The following BLTP2 variants were observed in gnomAD, a reference collection of about 807,000 sequenced individuals.
BLTP2 encodes bridge-like lipid transfer protein family member 2.
At chr17:28,634,994 G>A in the BLTP2 span, 1 of 1,613,198 alleles carries the variant, frequency 6.2e-7, no homozygotes, top group Non-Finnish European at 8.5e-7. Context: ...GGTGGGAGTG[G>A]GACAGGGCTT....
the BLTP2 span, chr17:28,633,016 T>A: frequency 6.3e-7 from 1 of 1,584,608 alleles, no homozygotes; most frequent in South Asian, 1.2e-5. Flanking sequence ...GTAGGAGTCA[T>A]GAAGCTGGCC....
chr17:28,643,201 A>G, the BLTP2 span: 6 of 1,614,242 alleles, frequency 3.7e-6, no homozygotes, highest in Admixed American at 1.7e-5. Flanking sequence ...GCTGAAGGAC[A>G]GTTCCTTTTG....
At chr17:28,634,068 G>A in the BLTP2 span, 1 of 1,614,104 alleles carries the variant, frequency 6.2e-7, no homozygotes, top group Non-Finnish European at 8.5e-7. Flanking sequence ...CAGGTACCGT[G>A]GATAGTCCCT....
the BLTP2 span, chr17:28,615,549 G>A: frequency 1.3e-4 from 170 of 1,322,990 alleles, 1 homozygote; most frequent in South Asian, 1.8e-3. Flanking sequence ...CTCACTTCAT[G>A]CACCTGCCCC....
chr17:28,621,626 C>T, the BLTP2 span: 1 of 684,480 alleles, frequency 1.5e-6, no homozygotes, highest in Non-Finnish European at 2.6e-6. Context: ...CATGGAATAG[C>T]TTGAACCATA....
the BLTP2 span, among the ~76,000 whole-genome samples, chr17:28,626,012 C>T: frequency 1.3e-5 from 2 of 152,208 alleles, no homozygotes; most frequent in African/African-American, 4.8e-5. Flanking sequence ...ATCCATCCGC[C>T]TCGGCCTCCC....
chr17:28,628,625 TAA>T, the BLTP2 span: 3 of 1,397,554 alleles, frequency 2.1e-6, no homozygotes, highest in South Asian at 1.3e-5. Flanking sequence ...GAGGCAGTGA[TAA>T]AAGTTTGTTG....
chr17:28,644,172 C>T, the BLTP2 span: 1 of 1,613,808 alleles, frequency 6.2e-7, no homozygotes, highest in Non-Finnish European at 8.5e-7. Flanking sequence ...TGGTGGCCAA[C>T]CGGACCACAA....
chr17:28,621,231 C>T, the BLTP2 span: 1 of 1,553,648 alleles, frequency 6.4e-7, no homozygotes, highest in Non-Finnish European at 8.8e-7. Flanking sequence ...ATGTGAGAGC[C>T]TCCCAGCTAT....
the BLTP2 span, chr17:28,632,224 C>T: frequency 4.4e-6 from 7 of 1,600,840 alleles, no homozygotes; most frequent in South Asian, 3.3e-5. Flanking sequence ...TAGCAGAATT[C>T]GGGGCTGGGA....
At chr17:28,619,572 A>T in the BLTP2 span, 1 of 1,568,610 alleles carries the variant, frequency 6.4e-7, no homozygotes, top group Admixed American at 1.7e-5. Flanking sequence ...ACTAGACCTA[A>T]AGACAGTCAA....
the BLTP2 span, chr17:28,620,658 A>C: frequency 6.2e-7 from 1 of 1,611,166 alleles, no homozygotes. Context: ...GCTAAATAAA[A>C]GGCTCAAGTT....
the BLTP2 span, among the ~76,000 whole-genome samples, chr17:28,627,679 G>A: frequency 2.6e-5 from 4 of 152,096 alleles, no homozygotes; most frequent in Admixed American, 6.6e-5. Flanking sequence ...GATTACAGGC[G>A]TGAGCCACTG....
the BLTP2 span, chr17:28,644,914 T>G: frequency 8.1e-7 from 1 of 1,239,932 alleles, no homozygotes; most frequent in Non-Finnish European, 1.1e-6. Context: ...CGCCCCCTCC[T>G]CAGTCTTTCT....
At chr17:28,624,431 A>G in the BLTP2 span, 1 of 1,585,678 alleles carries the variant, frequency 6.3e-7, no homozygotes, top group South Asian at 1.1e-5. Context: ...CACAGTCTCA[A>G]AGGGAAAGAC....
the BLTP2 span, chr17:28,644,160 C>T: frequency 1.9e-6 from 3 of 1,614,008 alleles, no homozygotes; most frequent in Non-Finnish European, 1.7e-6. Context: ...GCTGACACCA[C>T]TTGGTGGCCA....
At chr17:28,633,534 C>G in the BLTP2 span, 1 of 1,613,334 alleles carries the variant, frequency 6.2e-7, no homozygotes, top group East Asian at 2.2e-5. Context: ...ATAAAAGTAT[C>G]ATGACACCCC....
chr17:28,619,523 T>C, the BLTP2 span: 3 of 1,090,648 alleles, frequency 2.8e-6, no homozygotes, highest in Admixed American at 2.3e-5. Context: ...CAGGAAGAGA[T>C]GTCTGAACCT....
chr17:28,630,480 T>G, the BLTP2 span, among the ~76,000 whole-genome samples: 5 of 146,778 alleles, frequency 3.4e-5, no homozygotes, highest in East Asian at 6.0e-4. Flanking sequence ...TTTTTTTTTT[T>G]TTTTTTTTTT....
Sources: allele counts gnomAD v4.1 joint callset (sites outside exome capture counted in the v4.1 genomes callset), GRCh38; gene constraint gnomAD v4.1.1; transcripts MANE v1.5; gene names NCBI Gene and HGNC (gene_info 2026-07-23, HGNC 2026-07-21).